FAF2: variants seen among roughly 807,000 people sequenced by gnomAD.
FAF2 encodes FAS-associated factor 2.
Under a neutral mutation model 62.3 loss-of-function variants are expected in FAF2, and 9 were observed. The ratio of observed to expected loss-of-function variants is 0.14; its 90% CI spans 0.09 to 0.25. FAF2 has a LOEUF of 0.25. FAF2 is among the 10% of genes least tolerant of loss of function. The pLI is 1.00. For missense variants in FAF2, 368 were observed against 556.2 expected (o/e 0.66, Z 3.40); for synonymous variants, 202 against 198.0 (o/e 1.02, Z -0.17).
At chr5:176,503,424 G>A (rs1178810646) in intron 10 of FAF2, among the ~76,000 whole-genome samples, 2 of 152,040 alleles carry the variant, frequency 1.3e-5, no homozygotes, top group Admixed American at 6.5e-5. Flanking sequence ...GCATGATGGC[G>A]TGGGCCTGTA....
At chr5:176,461,343 G>A (rs1758374588) in intron 1 of FAF2, among the ~76,000 whole-genome samples, 1 of 100,848 alleles carries the variant, frequency 9.9e-6, no homozygotes, top group Non-Finnish European at 1.8e-5. Context: ...TTTTGAGACA[G>A]GTTCTTGCTC....
intron 2 of FAF2, among the ~76,000 whole-genome samples, chr5:176,485,858 A>G (rs1758866542): frequency 6.6e-6 from 1 of 152,152 alleles, no homozygotes; most frequent in Non-Finnish European, 1.5e-5. Flanking sequence ...GGTTTGAGCC[A>G]CCGCGCCTGA....
In FAF2 at chr5:176,492,325, A is replaced by T; in HGVS notation, c.476A>T (p.Tyr159Phe). 1.9e-6 allele frequency: 3 copies of T among 1,613,672 alleles called. No individual in the cohort carries two copies. Among genetic ancestry groups the T allele is most frequent in the Non-Finnish European group, 2.5e-6 (3 of 1,179,796 alleles). ...RAHPVFYQGT[Y>F]SQALNDAKRE... ...CACCCTGTCTTCTACCAGGGAACGT[A>T]CAGCCAGGTCAGTGCCATAAACCAT... Residue 159 changes from tyrosine to phenylalanine, a missense_variant, in exon 5 of 11, where the codon TAC (tyrosine) becomes TTC (phenylalanine). Physicochemically the swap from Tyr to Phe is conservative, Grantham distance 22. This residue lies in a region of FAF2 where 331 missense variants were observed against 441.9 expected (regional missense o/e 0.75). Coordinates refer to ENST00000261942, the MANE Select transcript of FAF2 (RefSeq NM_014613.3).
intron 9 of FAF2, 137 bp from the exon 10 acceptor site, chr5:176,499,865 GT>G (rs1443752548): frequency 8.5e-6 from 8 of 941,846 alleles, no homozygotes; most frequent in African/African-American, 1.7e-5. Context: ...AATTTAGGTT[GT>G]TTTTGACTAT....
intron 10 of FAF2, among the ~76,000 whole-genome samples, chr5:176,503,181 G>A (rs971882474): frequency 2.0e-5 from 3 of 152,188 alleles, no homozygotes; most frequent in African/African-American, 7.2e-5. Flanking sequence ...GTGCCCTGGT[G>A]GTGCTGGCCT....
At chr5:176,466,224 T>G (rs778530826) in intron 1 of FAF2, among the ~76,000 whole-genome samples, 5 of 152,186 alleles carry the variant, frequency 3.3e-5, no homozygotes, top group Non-Finnish European at 7.3e-5. Context: ...TGAACAGATT[T>G]CAGATTTCAT....
At chr5:176,481,582 G>A (rs976275653) in intron 2 of FAF2, among the ~76,000 whole-genome samples, 2 of 152,068 alleles carry the variant, frequency 1.3e-5, no homozygotes, top group South Asian at 2.1e-4. Flanking sequence ...ACGTGAACTC[G>A]GGAGGCAGAG....
chr5:176,472,736 GAAAA>G (rs1758595225), intron 1 of FAF2, among the ~76,000 whole-genome samples: 3 of 129,236 alleles, frequency 2.3e-5, no homozygotes, highest in Non-Finnish European at 3.4e-5. Flanking sequence ...AAAAAAAAAA[GAAAA>G]GAAAGAAAGA....
rs188336102 is a variant in FAF2, at chr5:176,500,307, A to T, written c.1155+161A>T. On this transcript the variant is annotated intron_variant, in intron 10 of 10. Transcript: ENST00000261942. ...GGGTATGCCATCCGTGGACACCAGG[A>T]AGAGTACCGAGGACTGCTGTAGGCT... Among the ~76,000 whole-genome samples, 48 of 152,324 alleles carry T rather than the reference A, an allele frequency of 3.2e-4. No homozygotes were observed. In the East Asian group the frequency reaches 7.7e-3, roughly 24 times the overall value.
In FAF2 at chr5:176,494,893, GC is replaced by G. The variant is rs1759036505; in HGVS notation, c.661+621del. Among the ~76,000 whole-genome samples the G allele has an allele frequency of 6.6e-6, 1 of 152,134 alleles. No homozygotes were observed. The highest frequency in any genetic ancestry group is 1.5e-5 in the Non-Finnish European group (1 of 68,034). ...ACAGTCGGGTCTGCCAGATTCTAAA[GC>G]CCGTTCTTCACATTCAGCATTGCCA... is the stretch of plus-strand genomic sequence containing the variant. On this transcript the variant is annotated intron_variant, in intron 7 of 10. Transcript: ENST00000261942. This position sits in a 1 kb window ranked among gnomAD's most constrained non-coding sequence, Gnocchi z 4.0.
rs1369136489 is a variant in FAF2, at chr5:176,476,692, G to C, written c.64-2496G>C. ...CTGTCACCTAGGCTGGAGGGCATTG[G>C]CATGATCTCGGCTCACCACAACCTC... On this transcript the variant is annotated intron_variant, in intron 1 of 10. Coordinates refer to ENST00000261942, the MANE Select transcript of FAF2 (RefSeq NM_014613.3). Among the ~76,000 whole-genome samples, 31 of 144,310 alleles carry C rather than the reference G, an allele frequency of 2.1e-4. 2 individuals carry two copies. The Admixed American group carries it at 2.2e-3, about 10-fold the overall frequency. The allele number at this position is 144,310 out of a possible 152,430, so 94.7% of individuals were successfully genotyped here. A position where few individuals can be genotyped will look rare whatever the true frequency, so the allele number is the denominator to read the frequency against.
At chr5:176,493,657 C>T (rs1250989054) in intron 5 of FAF2, among the ~76,000 whole-genome samples, 1 of 152,176 alleles carries the variant, frequency 6.6e-6, no homozygotes, top group Admixed American at 6.5e-5. Flanking sequence ...GTCAGATTCT[C>T]CTGTTTTTAT....
At chr5:176,497,928 T>A (rs900206184) in intron 8 of FAF2, among the ~76,000 whole-genome samples, 1 of 152,198 alleles carries the variant, frequency 6.6e-6, no homozygotes, top group Admixed American at 6.5e-5. Flanking sequence ...GGTAAGAAGA[T>A]TGCTTGAACT....
At chr5:176,498,783 G>A (rs1016192324) in intron 8 of FAF2, 131 bp from the exon 9 acceptor site, 5 of 791,970 alleles carry the variant, frequency 6.3e-6, no homozygotes, top group African/African-American at 3.5e-5. Context: ...CCTTATGGCA[G>A]TGTGAAATCG....
intron 1 of FAF2, among the ~76,000 whole-genome samples, chr5:176,459,627 C>T (rs771714733): frequency 1.6e-4 from 24 of 152,120 alleles, no homozygotes; most frequent in Non-Finnish European, 2.6e-4. Flanking sequence ...AATTTGAGAT[C>T]TCTGACAGTT....
intron 10 of FAF2, among the ~76,000 whole-genome samples, chr5:176,505,615 T>A (rs1356471195): frequency 1.3e-5 from 2 of 152,118 alleles, no homozygotes; most frequent in African/African-American, 4.8e-5. Context: ...CCTCACCCCT[T>A]CCCACTCTTC....
At chr5:176,484,055 A>G (rs1758831257) in intron 2 of FAF2, among the ~76,000 whole-genome samples, 1 of 151,992 alleles carries the variant, frequency 6.6e-6, no homozygotes, top group African/African-American at 2.4e-5. Context: ...GCCTGGTGAC[A>G]GAGCTAGACT....
chr5:176,487,012 G>A (rs1758884512), intron 3 of FAF2, among the ~76,000 whole-genome samples: 1 of 152,202 alleles, frequency 6.6e-6, no homozygotes, highest in Non-Finnish European at 1.5e-5. Context: ...TGTGTACACT[G>A]ATAATGAATT....
intron 4 of FAF2, among the ~76,000 whole-genome samples, chr5:176,489,844 G>A (rs1758942649): frequency 6.6e-6 from 1 of 152,176 alleles, no homozygotes; most frequent in Admixed American, 6.5e-5. Flanking sequence ...ACCATGCCTG[G>A]CAGCTTCGGT....
Sources: gnomAD v4.1 joint callset for allele counts (sites outside exome capture counted in the v4.1 genomes callset) on GRCh38, gnomAD v4.1.1 for gene constraint, gnomAD v4.1.1 regional missense constraint, Gnocchi (gnomAD v3.1) non-coding constraint, MANE v1.5 for transcripts, NCBI Gene and HGNC (gene_info 2026-07-23, HGNC 2026-07-21) for gene names.